CPLANE1: variants seen among roughly 807,000 people sequenced by gnomAD.
The protein encoded by CPLANE1 is ciliogenesis and planar polarity effector complex subunit 1.
In CPLANE1, 263 loss-of-function variants were observed where a neutral mutation model predicts 362.5. The observed-to-expected ratio is 0.73, with a 90% confidence interval of 0.66 to 0.80. CPLANE1 has a LOEUF of 0.80. Among genes scored for constraint, CPLANE1 ranks in the 30% least tolerant of loss-of-function variants. CPLANE1 has a pLI of 0.00. For missense variants in CPLANE1, 3,461 were observed against 3,793.4 expected, an observed-to-expected ratio of 0.91 and a Z score of 2.30; for synonymous variants, 1,212 against 1,302.6, an observed-to-expected ratio of 0.93 and a Z score of 1.50.
Position 37,221,307 on chromosome 5 carries a change from G to C in CPLANE1, c.2746+17C>G. 7.6e-6 allele frequency: 10 copies of C among 1,323,620 alleles called. No homozygotes were observed. The highest frequency in any genetic ancestry group is 1.0e-5 in the Non-Finnish European group (10 of 1,000,874). The allele number at this position is 1,323,620 out of a possible 1,614,324, so 82.0% of individuals were successfully genotyped here. A position where few individuals can be genotyped will look rare whatever the true frequency, so the allele number is the denominator to read the frequency against. On this transcript the variant is annotated intron_variant, in intron 15 of 52. Coordinates refer to ENST00000651892, the MANE Select transcript of CPLANE1 (RefSeq NM_001384732.1). The stretch of plus-strand genomic sequence containing the variant: ...GTCTCTTTTTAAAAATACAAAGAAA[G>C]AAAAAAAAAAGCATACCTGAAAAAT...
downstream of CPLANE1, among the ~76,000 whole-genome samples, chr5:37,102,024 T>G (rs935573715): frequency 1.3e-5 from 2 of 151,006 alleles, no homozygotes; most frequent in Non-Finnish European, 2.9e-5. Context: ...TCAATTAATT[T>G]TTTCAAAAAA....
chr5:37,192,996 G>A (rs1037354250), intron 21 of CPLANE1, among the ~76,000 whole-genome samples: 4 of 149,514 alleles, frequency 2.7e-5, no homozygotes, highest in Admixed American at 1.3e-4. Flanking sequence ...GTGAAACCCC[G>A]CCCTACTAAA....
chr5:37,108,761 G>A (rs1418890364), intron 51 of CPLANE1, among the ~76,000 whole-genome samples: 2 of 152,158 alleles, frequency 1.3e-5, no homozygotes. Context: ...CGGTGGAGAG[G>A]TATTGACACC....
intron 19 of CPLANE1, 99 bp downstream of exon 19, chr5:37,201,492 C>A: frequency 1.0e-6 from 1 of 972,746 alleles, no homozygotes; most frequent in South Asian, 1.6e-5. Flanking sequence ...GTCTTTAGAG[C>A]TTGAATTTTT....
Position 37,170,086 on chromosome 5 carries a change from A to G in CPLANE1, c.6417T>C (p.His2139=). ...TTTGACCAGATGGGATAGTTCCTTCATGGCAGTGTGGGCTGTTCTTGCGAG... is the reference window on the plus strand; with the variant it reads ...TTTGACCAGATGGGATAGTTCCTTCGTGGCAGTGTGGGCTGTTCTTGCGAG... The part of the protein sequence containing the change: ...REPRKNSPHC[H]EGTIPSGQNS... The change falls in exon 33 of 53, where the codon CAT becomes CAC. Residue 2139 remains histidine (H), a synonymous_variant. Transcript: ENST00000651892. The G allele has an allele frequency of 1.2e-6, 2 of 1,614,106 alleles. No individual in the cohort carries two copies. The highest frequency in any genetic ancestry group is 1.7e-6 in the Non-Finnish European group (2 of 1,180,012).
chr5:37,161,407 T>G (rs548361985), intron 38 of CPLANE1, among the ~76,000 whole-genome samples: 1 of 152,348 alleles, frequency 6.6e-6, no homozygotes, highest in South Asian at 2.1e-4. Flanking sequence ...ATATAAAGCA[T>G]TTTAAATATA....
intron 42 of CPLANE1, among the ~76,000 whole-genome samples, chr5:37,150,920 T>C (rs939713077): frequency 1.3e-5 from 2 of 152,148 alleles, no homozygotes; most frequent in African/African-American, 4.8e-5. Flanking sequence ...TGGGCAGCCA[T>C]TAGATTTGGA....
intron 52 of CPLANE1, 31 bp downstream of exon 52, chr5:37,108,262 C>G (rs1238999717): frequency 1.3e-5 from 20 of 1,591,484 alleles, no homozygotes; most frequent in Non-Finnish European, 1.7e-5. Flanking sequence ...AGAGCAATCA[C>G]TAGACAAACA....
the CPLANE1 span, among the ~76,000 whole-genome samples, chr5:37,088,081 T>C: frequency 2.0e-5 from 3 of 152,230 alleles, no homozygotes; most frequent in Non-Finnish European, 4.4e-5. Flanking sequence ...CAAGTGTCTT[T>C]GTGTGCTCTC....
intron 16 of CPLANE1, among the ~76,000 whole-genome samples, chr5:37,208,705 C>A (rs1422693519): frequency 7.3e-6 from 1 of 137,364 alleles, no homozygotes; most frequent in Non-Finnish European, 1.6e-5. Flanking sequence ...AAAAAGAGTT[C>A]AGCTTAACTT....
intron 31 of CPLANE1, 84 bp from the exon 32 acceptor site, chr5:37,174,031 C>T (rs1191542597): frequency 3.4e-6 from 4 of 1,174,106 alleles, no homozygotes; most frequent in Non-Finnish European, 4.8e-6. Flanking sequence ...ATATTTTGAT[C>T]CCACTTTTGT....
chr5:37,248,059 G>A (rs1740385813), intron 1 of CPLANE1, among the ~76,000 whole-genome samples: 2 of 151,844 alleles, frequency 1.3e-5, no homozygotes, highest in Non-Finnish European at 2.9e-5. Context: ...CAAAGTGCTG[G>A]GATAACAGGC....
chr5:37,193,778 G>T (rs946129075), intron 21 of CPLANE1, among the ~76,000 whole-genome samples: 1 of 151,814 alleles, frequency 6.6e-6, no homozygotes, highest in East Asian at 1.9e-4. Context: ...TTGTTCTGCC[G>T]CCCGGGCTGG....
chr5:37,166,457 G>A (rs1165081154), intron 35 of CPLANE1, among the ~76,000 whole-genome samples: 1 of 152,124 alleles, frequency 6.6e-6, no homozygotes, highest in African/African-American at 2.4e-5. Context: ...ACCATGGTTC[G>A]AAAATAGATG....
In CPLANE1 at chr5:37,226,970, C is replaced by T; in HGVS notation, c.1625G>A (p.Gly542Glu). 3.2e-6 allele frequency: 5 copies of T among 1,551,856 alleles called. No homozygotes were observed. The highest frequency in any genetic ancestry group is 4.4e-6 in the Non-Finnish European group (5 of 1,146,976). ...AAACATAGATGCAAATTCCAATCTT[C>T]CTTCCTTCATACTACTACACAGCAC... ...DDVLCSSMKE[G>E]RLEFASMFDT... Residue 542 changes from glycine (G) to glutamate (E), a missense_variant, in exon 12 of 53, where the codon GGA becomes GAA. Transcript: ENST00000651892.
chr5:37,224,850 T>C lies in CPLANE1; in HGVS notation c.2292-110A>G, dbSNP rs184760436. 12 of 642,016 alleles carry C rather than the reference T, an allele frequency of 1.9e-5. No homozygotes were observed. The East Asian group carries it at 3.0e-4, about 16-fold the overall frequency. The allele number at this position is 642,016 out of a possible 1,614,324, so 39.8% of individuals were successfully genotyped here. ...GCCTGTATTCTTCATCGGTATAACATACATACAAACTGATCACATTTAAAT... is the reference window on the plus strand; with the variant it reads ...GCCTGTATTCTTCATCGGTATAACACACATACAAACTGATCACATTTAAAT... On this transcript the variant is annotated intron_variant, in intron 12 of 52. Coordinates refer to ENST00000651892, the MANE Select transcript of CPLANE1 (RefSeq NM_001384732.1).
intron 32 of CPLANE1, 30 bp downstream of exon 32, chr5:37,173,725 A>G: frequency 6.4e-7 from 1 of 1,572,516 alleles, no homozygotes; most frequent in Non-Finnish European, 8.7e-7. Context: ...CTATGTGTAG[A>G]TTTACTTACT....
chr5:37,139,252 T>C, intron 45 of CPLANE1, 88 bp downstream of exon 45: 1 of 1,263,192 alleles, frequency 7.9e-7, no homozygotes, highest in Non-Finnish European at 1.1e-6. Flanking sequence ...ATATATATAA[T>C]GTAAAAATTC....
In CPLANE1 at chr5:37,181,937, C is replaced by T. The variant is rs530715631; in HGVS notation, c.5421+823G>A. On this transcript the variant is annotated intron_variant, in intron 26 of 52. Coordinates refer to ENST00000651892, the MANE Select transcript of CPLANE1 (RefSeq NM_001384732.1). ...GAAACCCCATCTCTACTAAAAACTA[C>T]AAAAATTAGTCAGGCGTGGTGGCGC... Among the ~76,000 whole-genome samples, 7 of 151,710 alleles carry T rather than the reference C, an allele frequency of 4.6e-5. No homozygotes were observed. The South Asian group carries it at 8.3e-4, about 18-fold the overall frequency.
Sources: gnomAD v4.1 joint callset for allele counts (sites outside exome capture counted in the v4.1 genomes callset) on GRCh38, gnomAD v4.1.1 for gene constraint, MANE v1.5 for transcripts, NCBI Gene and HGNC (gene_info 2026-07-23, HGNC 2026-07-21) for gene names.